The following FAM13A variants were observed in gnomAD, a reference collection of about 807,000 sequenced individuals.
FAM13A encodes the protein family with sequence similarity 13 member A.
Under a neutral mutation model 129.6 loss-of-function variants are expected in FAM13A, and 76 were observed. The observed-to-expected ratio is 0.59, with a 90% CI of 0.49 to 0.71. FAM13A has a LOEUF of 0.71. FAM13A is among the 30% of genes least tolerant of loss of function. The pLI is 0.00. For synonymous variants in FAM13A, 443 were observed against 449.9 expected, an observed-to-expected ratio of 0.98 and a Z score of 0.20; for missense variants, 1,108 against 1,249.3, an observed-to-expected ratio of 0.89 and a Z score of 1.70.
At chr4:88,734,071 T>G (rs1317668737) in intron 21 of FAM13A, among the ~76,000 whole-genome samples, 1 of 152,244 alleles carries the variant, frequency 6.6e-6, no homozygotes, top group Non-Finnish European at 1.5e-5. Flanking sequence ...CTGGGTAGAT[T>G]CTAGAAGGAA....
intron 6 of FAM13A, among the ~76,000 whole-genome samples, chr4:88,897,615 C>T (rs529121603): frequency 1.6e-3 from 240 of 152,166 alleles, no homozygotes; most frequent in Middle Eastern, 3.4e-3. Context: ...AAGGCAAATA[C>T]GGCTGTAACT....
At chr4:88,785,541 A>G (rs998916073) in intron 10 of FAM13A, among the ~76,000 whole-genome samples, 13 of 152,150 alleles carry the variant, frequency 8.5e-5, no homozygotes, top group African/African-American at 2.9e-4. Flanking sequence ...GCCTGCTGGA[A>G]AACTATTTCA....
chr4:89,004,905 A>C (rs1350478708), intron 3 of FAM13A, among the ~76,000 whole-genome samples: 1 of 151,624 alleles, frequency 6.6e-6, no homozygotes, highest in African/African-American at 2.4e-5. Context: ...AGCTTTCTAG[A>C]AATTTTTTTT....
chr4:88,821,935 A>C (rs1455742539), intron 7 of FAM13A, among the ~76,000 whole-genome samples: 1 of 152,236 alleles, frequency 6.6e-6, no homozygotes, highest in African/African-American at 2.4e-5. Context: ...CCATTTTGCA[A>C]ATAAGCAATG....
chr4:89,035,612 T>C (rs1254218605), intron 1 of FAM13A, among the ~76,000 whole-genome samples: 1 of 152,170 alleles, frequency 6.6e-6, no homozygotes, highest in Non-Finnish European at 1.5e-5. Flanking sequence ...CATGTGGAAT[T>C]GTAATCTCCA....
chr4:89,016,177 A>G (rs1357301030), intron 3 of FAM13A, among the ~76,000 whole-genome samples: 2 of 138,504 alleles, frequency 1.4e-5, no homozygotes, highest in Non-Finnish European at 3.2e-5. Flanking sequence ...ATCTGTGCTT[A>G]TGCCTTAGTT....
At chr4:88,987,219 T>TA (rs1452179736) in intron 4 of FAM13A, among the ~76,000 whole-genome samples, 1 of 136,426 alleles carries the variant, frequency 7.3e-6, no homozygotes, top group Non-Finnish European at 1.7e-5. Context: ...AGAATATCAC[T>TA]AAAAGAAAAA....
intron 1 of FAM13A, among the ~76,000 whole-genome samples, chr4:89,037,728 G>A (rs1769570652): frequency 6.6e-6 from 1 of 152,164 alleles, no homozygotes; most frequent in African/African-American, 2.4e-5. Flanking sequence ...GGGCCTGGTG[G>A]GAGGTAATTA....
Position 88,835,726 on chromosome 4 carries a change from A to C in FAM13A, c.1007+15294T>G, listed in dbSNP as rs1027793931. Among the ~76,000 whole-genome samples, 3 of 151,998 alleles carry C rather than the reference A, an allele frequency of 2.0e-5. No homozygotes were observed. In the South Asian group the frequency reaches 6.3e-4, roughly 32 times the overall value. On this transcript the variant is annotated intron_variant, in intron 7 of 23. Transcript: ENST00000264344. ...CCTTGCATGTGTAGTTCCCAATAGGATTTGCATTCCTATTAGAATTTAATG... is the reference window on the plus strand; with the variant it reads ...CCTTGCATGTGTAGTTCCCAATAGGCTTTGCATTCCTATTAGAATTTAATG...
intron 6 of FAM13A, among the ~76,000 whole-genome samples, 179 bp from the exon 7 acceptor site, chr4:88,851,362 G>T (rs1737539197): frequency 6.6e-6 from 1 of 151,416 alleles, no homozygotes; most frequent in Non-Finnish European, 1.5e-5. Flanking sequence ...TATAGCAAAG[G>T]GCACAGGGAA....
At chr4:88,762,782 C>T (rs1745048819) in intron 13 of FAM13A, among the ~76,000 whole-genome samples, 1 of 151,988 alleles carries the variant, frequency 6.6e-6, no homozygotes, top group Admixed American at 6.5e-5. Flanking sequence ...GTTTCTCCTA[C>T]TAGATCATTA....
intron 4 of FAM13A, among the ~76,000 whole-genome samples, chr4:88,963,124 A>C (rs532808960): frequency 2.4e-4 from 37 of 152,078 alleles, no homozygotes; most frequent in African/African-American, 8.7e-4. Context: ...AACTAATGTT[A>C]CTTAAAAAAA....
intron 11 of FAM13A, among the ~76,000 whole-genome samples, chr4:88,769,502 T>A (rs771586290): frequency 9.9e-5 from 15 of 152,082 alleles, no homozygotes; most frequent in Non-Finnish European, 1.5e-4. Flanking sequence ...TGGTCTAACA[T>A]AGGGTGGTCA....
intron 1 of FAM13A, among the ~76,000 whole-genome samples, chr4:89,041,868 C>T (rs547882759): frequency 4.9e-4 from 74 of 151,468 alleles, no homozygotes; most frequent in African/African-American, 1.7e-3. Flanking sequence ...TGCAGTGAGC[C>T]GAGATCATGC....
At chr4:89,003,268 T>G (rs1764515908) in intron 3 of FAM13A, among the ~76,000 whole-genome samples, 1 of 123,244 alleles carries the variant, frequency 8.1e-6, no homozygotes. Flanking sequence ...ACAGTGGAGT[T>G]GTTGGAGCAA....
At chr4:88,922,091 T>G (rs1397302503) in intron 5 of FAM13A, among the ~76,000 whole-genome samples, 1 of 149,956 alleles carries the variant, frequency 6.7e-6, no homozygotes, top group Admixed American at 6.6e-5. Context: ...GACTCCCACA[T>G]AATAATAATG....
At chr4:88,751,800 G>C (rs541843819) in intron 14 of FAM13A, among the ~76,000 whole-genome samples, 1 of 152,310 alleles carries the variant, frequency 6.6e-6, no homozygotes, top group African/African-American at 2.4e-5. Context: ...TGTAATGTTT[G>C]CATTATAGAA....
In FAM13A at chr4:88,856,440, T is replaced by C. The variant is rs574607881; in HGVS notation, c.844-5257A>G. Among the ~76,000 whole-genome samples the C allele has an allele frequency of 3.9e-5, 6 of 152,140 alleles. No homozygotes were observed. In the South Asian group the frequency reaches 1.2e-3, roughly 32 times the overall value. ...TTGAGGCTGCAGTGAGCTGTGACCA[T>C]GCCACTGCACTCTCATCTGTGTGAC... is the stretch of plus-strand genomic sequence containing the variant. On this transcript the variant is annotated intron_variant, in intron 6 of 23. Transcript: ENST00000264344.
intron 1 of FAM13A, among the ~76,000 whole-genome samples, chr4:89,035,096 C>CAGT (rs1769203452): frequency 6.6e-6 from 1 of 152,026 alleles, no homozygotes; most frequent in East Asian, 1.9e-4. Flanking sequence ...AGCTGGAGGC[C>CAGT]AGTATCCTAA....
Sources: allele counts gnomAD v4.1 joint callset (sites outside exome capture counted in the v4.1 genomes callset), GRCh38; gene constraint gnomAD v4.1.1; transcripts MANE v1.5; gene names NCBI Gene and HGNC (gene_info 2026-07-23, HGNC 2026-07-21).